Variants in PLCB1 observed in about 807,000 individuals in gnomAD.
PLCB1 encodes 1-phosphatidylinositol 4,5-bisphosphate phosphodiesterase beta-1.
Under a neutral mutation model 161.8 loss-of-function variants are expected in PLCB1, and 46 were observed. That is an observed-to-expected ratio of 0.28 (90% confidence interval 0.22 to 0.36). The LOEUF (loss-of-function observed/expected upper bound fraction) is 0.36, where lower values mean the gene tolerates loss of function less well. Ranked by LOEUF, PLCB1 falls within the 10% of genes least tolerant of loss-of-function variation. The pLI, the probability that PLCB1 is intolerant of heterozygous loss-of-function variation, is 1.00. For synonymous variants in PLCB1, 517 were observed against 503.7 expected, an observed-to-expected ratio of 1.03 and a Z score of -0.35; for missense variants, 1,016 against 1,472.5, an observed-to-expected ratio of 0.69 and a Z score of 5.07.
intron 7 of PLCB1, among the ~76,000 whole-genome samples, chr20:8,650,683 T>C (rs1221928289): frequency 6.6e-6 from 1 of 152,120 alleles, no homozygotes; most frequent in East Asian, 1.9e-4. Context: ...TGTGAAGCCG[T>C]TATGTTTAGG....
chr20:8,267,680 A>C (rs536350438), intron 2 of PLCB1, among the ~76,000 whole-genome samples: 2 of 152,308 alleles, frequency 1.3e-5, no homozygotes, highest in East Asian at 3.9e-4. Flanking sequence ...TTATTGAAAC[A>C]AAAGTATACT....
At chr20:8,513,636 G>A (rs899562538) in intron 3 of PLCB1, among the ~76,000 whole-genome samples, 1 of 152,118 alleles carries the variant, frequency 6.6e-6, no homozygotes, top group African/African-American at 2.4e-5. Context: ...CTGAAATATG[G>A]TAGTGTTTTC....
At chr20:8,584,095 A>G (rs533341735) in intron 3 of PLCB1, among the ~76,000 whole-genome samples, 37 of 152,296 alleles carry the variant, frequency 2.4e-4, no homozygotes, top group Non-Finnish European at 5.1e-4. Flanking sequence ...TACAAGAAGA[A>G]CACTTCTAGA....
chr20:8,580,430 G>A (rs1029082065), intron 3 of PLCB1, among the ~76,000 whole-genome samples: 1 of 152,110 alleles, frequency 6.6e-6, no homozygotes, highest in South Asian at 2.1e-4. Context: ...TATAAAGTTT[G>A]CAGTGTTAAC....
In PLCB1 at chr20:8,657,271, A is replaced by G. The variant is rs1600230250; in HGVS notation, c.682A>G (p.Ile228Val). The G allele has an allele frequency of 1.3e-6, 2 of 1,585,404 alleles. No individual in the cohort carries two copies. Among genetic ancestry groups the G allele is most frequent in the Non-Finnish European group, 1.7e-6 (2 of 1,154,062 alleles). The change falls in exon 8 of 32, where the codon ATC becomes GTC. Residue 228 changes from isoleucine (I) to valine (V), a missense_variant. Transcript: ENST00000338037. ...NLCPRPEIDN[I>V]FSEFGAKSKP... ...TTGCCCTCGACCTGAAATTGATAAC[A>G]TCTTTTCAGAATTGTAAGAGTACAC...
intron 31 of PLCB1, among the ~76,000 whole-genome samples, chr20:8,847,582 G>A (rs888359224): frequency 6.6e-6 from 1 of 152,096 alleles, no homozygotes; most frequent in African/African-American, 2.4e-5. Flanking sequence ...ATTCAATTTT[G>A]ATGCACCTGG....
chr20:8,439,342 A>G lies in PLCB1; in HGVS notation c.246+67892A>G, dbSNP rs150299375. Among the ~76,000 whole-genome samples the G allele has an allele frequency of 1.2e-3, 179 of 152,332 alleles. 5 individuals carry two copies. The East Asian group carries it at 0.025, about 21-fold the overall frequency. On this transcript the variant is annotated intron_variant, in intron 3 of 31. Coordinates refer to ENST00000338037, the MANE Select transcript of PLCB1 (RefSeq NM_015192.4). ...TATACTCTTTATTGGCTCATTTCAA[A>G]CAATACCTAAAAAAGAAACCTCTTT...
At chr20:8,507,287 T>G (rs2122835408) in intron 3 of PLCB1, among the ~76,000 whole-genome samples, 1 of 152,224 alleles carries the variant, frequency 6.6e-6, no homozygotes, top group East Asian at 1.9e-4. Context: ...AATCAGAATA[T>G]AAGTTAATCT....
intron 2 of PLCB1, among the ~76,000 whole-genome samples, chr20:8,160,808 T>G (rs1029722480): frequency 6.6e-6 from 1 of 152,176 alleles, no homozygotes; most frequent in African/African-American, 2.4e-5. Context: ...AGATTGATAG[T>G]TGGATTATTT....
chr20:8,333,049 A>T (rs1455381789), intron 2 of PLCB1, among the ~76,000 whole-genome samples: 1 of 152,156 alleles, frequency 6.6e-6, no homozygotes, highest in African/African-American at 2.4e-5. Context: ...ACCATTTCTC[A>T]CCAATAAAAT....
chr20:8,719,774 G>A (rs894006025), intron 14 of PLCB1, among the ~76,000 whole-genome samples: 23 of 151,948 alleles, frequency 1.5e-4, no homozygotes, highest in African/African-American at 5.3e-4. Flanking sequence ...GTGGACTTAC[G>A]ACGTGTACTT....
At chr20:8,195,091 A>G (rs1441274015) in intron 2 of PLCB1, among the ~76,000 whole-genome samples, 1 of 152,060 alleles carries the variant, frequency 6.6e-6, no homozygotes, top group East Asian at 1.9e-4. Flanking sequence ...CCCTGCTTTA[A>G]GTAGAAAGTA....
rs143706340 is a variant in PLCB1, at chr20:8,428,597, G to A, written c.246+57147G>A. Among the ~76,000 whole-genome samples the A allele has an allele frequency of 2.1e-3, 324 of 152,294 alleles. 9 individuals are homozygous for A. Among genetic ancestry groups the A allele is most frequent in the Admixed American group, 0.014 (219 of 15,298 alleles). On this transcript the variant is annotated intron_variant, in intron 3 of 31. Coordinates refer to ENST00000338037, the MANE Select transcript of PLCB1 (RefSeq NM_015192.4). ...AAAAAGTGTGCAGTGTCAATAAATG[G>A]GACAGGATTATTCACTCCTGGTTTG... is the stretch of plus-strand genomic sequence containing the variant.
intron 23 of PLCB1, among the ~76,000 whole-genome samples, chr20:8,744,842 C>T (rs1011735399): frequency 1.3e-5 from 2 of 151,870 alleles, no homozygotes; most frequent in Non-Finnish European, 2.9e-5. Flanking sequence ...GGTTGTAGGG[C>T]TCTTTTCACA....
intron 1 of PLCB1, among the ~76,000 whole-genome samples, chr20:8,136,737 C>A (rs1426929863): frequency 1.3e-5 from 2 of 151,770 alleles, no homozygotes; most frequent in African/African-American, 4.8e-5. Context: ...AAAATTCAGA[C>A]CTTACTTCCA....
intron 3 of PLCB1, among the ~76,000 whole-genome samples, chr20:8,410,114 G>A (rs1251672271): frequency 6.6e-6 from 1 of 151,920 alleles, no homozygotes. Flanking sequence ...ATATATTGTT[G>A]GGTGTTACTG....
chr20:8,764,851 A>G (rs1019029237), intron 25 of PLCB1, among the ~76,000 whole-genome samples: 1 of 152,134 alleles, frequency 6.6e-6, no homozygotes, highest in Non-Finnish European at 1.5e-5. Context: ...CCCTCAGTAA[A>G]TCACGTGCAC....
chr20:8,578,981 A>T (rs1459330916), intron 3 of PLCB1, among the ~76,000 whole-genome samples: 1 of 152,256 alleles, frequency 6.6e-6, no homozygotes, highest in Non-Finnish European at 1.5e-5. Context: ...CTCAAGCATT[A>T]TAACAGATGA....
intron 12 of PLCB1, among the ~76,000 whole-genome samples, 200 bp downstream of exon 12, chr20:8,708,952 A>T (rs1163395012): frequency 6.6e-6 from 1 of 152,166 alleles, no homozygotes; most frequent in African/African-American, 2.4e-5. Flanking sequence ...GACTTGTAGG[A>T]TCTATTTTCA....
Sources: gnomAD v4.1 joint callset for allele counts (sites outside exome capture counted in the v4.1 genomes callset) on GRCh38, gnomAD v4.1.1 for gene constraint, MANE v1.5 for transcripts, NCBI Gene and HGNC (gene_info 2026-07-23, HGNC 2026-07-21) for gene names.